KCNH5: variants seen among roughly 807,000 people sequenced by gnomAD.
The protein encoded by KCNH5 is voltage-gated delayed rectifier potassium channel KCNH5.
A neutral mutation model predicts 96.1 loss-of-function variants in KCNH5; 46 were observed. That is an observed-to-expected ratio of 0.48 (90% CI 0.38 to 0.61). The LOEUF (loss-of-function observed/expected upper bound fraction) is 0.61. KCNH5 is among the 20% of genes least tolerant of loss of function. KCNH5 has a pLI of 0.00. For missense variants in KCNH5, 907 were observed against 1,225.8 expected (o/e 0.74, Z 3.88); for synonymous variants, 439 against 449.8 (o/e 0.98, Z 0.30).
intron 6 of KCNH5, among the ~76,000 whole-genome samples, chr14:62,958,778 G>A (rs2140136729): frequency 1.3e-5 from 2 of 152,220 alleles, no homozygotes; most frequent in South Asian, 4.1e-4. Flanking sequence ...GCTCAAGACA[G>A]TTATACAGTG....
chr14:62,706,344 T>C lies in KCNH5; in HGVS notation c.*1164A>G, dbSNP rs538935104. ...CAATAAAATGATAGAAAAGCAGTTA[T>C]CTGAGTCGAGCAACTTAATGTCTAC... On this transcript the variant is annotated 3_prime_UTR_variant, in exon 11 of 11. Coordinates refer to ENST00000322893, the MANE Select transcript of KCNH5 (RefSeq NM_139318.5). The C allele has an allele frequency of 6.6e-6, 1 of 152,300 alleles. No homozygotes were observed. The highest frequency in any genetic ancestry group is 2.4e-5 in the African/African-American group (1 of 41,596). 9.4% of individuals were successfully genotyped at this position (152,300 alleles called of 1,614,324 possible). A position where few individuals can be genotyped will look rare whatever the true frequency, so the allele number is the denominator to read the frequency against.
intron 8 of KCNH5, among the ~76,000 whole-genome samples, chr14:62,845,615 G>A (rs1887675525): frequency 6.6e-6 from 1 of 152,208 alleles, no homozygotes; most frequent in African/African-American, 2.4e-5. Flanking sequence ...ATGTGGACCA[G>A]GTGATAGAAG....
intron 7 of KCNH5, among the ~76,000 whole-genome samples, chr14:62,892,888 T>G (rs1312914045): frequency 6.6e-6 from 1 of 152,164 alleles, no homozygotes; most frequent in Non-Finnish European, 1.5e-5. Flanking sequence ...AAAAGGGTGC[T>G]TCTCTCTGAC....
At position 62,950,230 on chromosome 14, in the gene KCNH5, G is replaced by C; in HGVS notation, c.1272C>G (p.Tyr424Ter). The C allele has an allele frequency of 1.9e-6, 3 of 1,613,964 alleles. No individual in the cohort carries two copies. Among genetic ancestry groups the C allele is most frequent in the Non-Finnish European group, 2.5e-6 (3 of 1,179,902 alleles). Residue 424 changes from tyrosine to a stop codon, truncating the protein, a stop_gained, in exon 7 of 11, where the codon TAC becomes TAG. Transcript: ENST00000322893. LOFTEE classifies it high-confidence loss of function. The part of the protein sequence containing the change: ...SKDSLYVSSL[Y>*]FTMTSLTTIG... The stretch of plus-strand genomic sequence containing the variant: ...TGGTTGTAAGGCTTGTCATGGTAAA[G>C]TAGAGAGAGGACACGTACAATGAAT...
chr14:62,803,290 T>C (rs1407976086), intron 8 of KCNH5, among the ~76,000 whole-genome samples: 1 of 152,176 alleles, frequency 6.6e-6, no homozygotes, highest in East Asian at 1.9e-4. Flanking sequence ...TTTTTATAAC[T>C]AAATCAAAAT....
chr14:63,011,221 G>A (rs189401333), intron 2 of KCNH5, among the ~76,000 whole-genome samples: 1 of 152,206 alleles, frequency 6.6e-6, no homozygotes, highest in Non-Finnish European at 1.5e-5. Flanking sequence ...AGTGGCTCAC[G>A]CCTGTAATCC....
At chr14:62,761,907 G>A (rs1885759826) in intron 10 of KCNH5, among the ~76,000 whole-genome samples, 1 of 152,122 alleles carries the variant, frequency 6.6e-6, no homozygotes, top group Admixed American at 6.5e-5. Context: ...CTGGGGTGAA[G>A]GGAGAGCAAG....
chr14:62,774,631 G>A (rs1454686351), intron 10 of KCNH5, among the ~76,000 whole-genome samples: 1 of 152,162 alleles, frequency 6.6e-6, no homozygotes, highest in Non-Finnish European at 1.5e-5. Context: ...GTATACCTAA[G>A]AGCTGGTCAT....
intron 6 of KCNH5, among the ~76,000 whole-genome samples, chr14:62,973,401 T>C (rs1890445614): frequency 6.6e-6 from 1 of 152,184 alleles, no homozygotes; most frequent in Non-Finnish European, 1.5e-5. Flanking sequence ...TGTTGGGAGA[T>C]GAAGACAAAT....
chr14:62,803,146 A>AC (rs1886699570), intron 8 of KCNH5, among the ~76,000 whole-genome samples: 3 of 152,198 alleles, frequency 2.0e-5, no homozygotes, highest in Admixed American at 2.0e-4. Context: ...GCAAGACCTT[A>AC]TCTCAAAACA....
chr14:62,940,123 A>T (rs1484456755), intron 7 of KCNH5, among the ~76,000 whole-genome samples: 2 of 152,208 alleles, frequency 1.3e-5, no homozygotes, highest in South Asian at 4.1e-4. Context: ...CAAAGTCCAC[A>T]GTCTTTTCAC....
intron 6 of KCNH5, among the ~76,000 whole-genome samples, chr14:62,955,830 A>G (rs1430654623): frequency 2.0e-5 from 3 of 152,276 alleles, no homozygotes; most frequent in Non-Finnish European, 4.4e-5. Context: ...TTGTTTTTAT[A>G]ATAGCAGGAT....
intron 10 of KCNH5, among the ~76,000 whole-genome samples, chr14:62,740,580 A>G (rs1885251570): frequency 6.6e-6 from 1 of 152,188 alleles, no homozygotes; most frequent in South Asian, 2.1e-4. Flanking sequence ...TATTTAAGAG[A>G]CATAAGCCCA....
intron 8 of KCNH5, among the ~76,000 whole-genome samples, chr14:62,816,354 G>A (rs950825670): frequency 6.6e-6 from 1 of 151,934 alleles, no homozygotes; most frequent in Non-Finnish European, 1.5e-5. Flanking sequence ...ATCAGTGTAT[G>A]TATGTGTAAA....
chr14:62,813,462 C>T (rs939016197), intron 8 of KCNH5, among the ~76,000 whole-genome samples: 1 of 152,106 alleles, frequency 6.6e-6, no homozygotes, highest in Non-Finnish European at 1.5e-5. Flanking sequence ...CTAAACAAGG[C>T]TTCTTCTTGA....
intron 4 of KCNH5, among the ~76,000 whole-genome samples, chr14:62,998,627 C>G (rs1299395848): frequency 2.6e-5 from 4 of 152,090 alleles, no homozygotes; most frequent in Non-Finnish European, 5.9e-5. Context: ...GCTTTTGCTG[C>G]ATCTCACAAA....
intron 4 of KCNH5, among the ~76,000 whole-genome samples, chr14:62,996,871 A>G (rs1007844856): frequency 4.6e-5 from 7 of 152,254 alleles, no homozygotes; most frequent in Non-Finnish European, 1.0e-4. Flanking sequence ...GCAAATACAA[A>G]TACATACTTT....
chr14:62,774,876 C>A (rs1040937545), intron 10 of KCNH5, among the ~76,000 whole-genome samples: 1 of 152,134 alleles, frequency 6.6e-6, no homozygotes, highest in African/African-American at 2.4e-5. Flanking sequence ...CACATGGGAT[C>A]TTAATCTCCA....
chr14:62,973,327 G>A (rs77843301), intron 6 of KCNH5, among the ~76,000 whole-genome samples: 9,895 of 152,236 alleles, frequency 0.065, 446 homozygotes, highest in Non-Finnish European at 0.091. Context: ...ATTGGGTAGC[G>A]CTATGGTTTG....
Sources: allele counts gnomAD v4.1 joint callset (sites outside exome capture counted in the v4.1 genomes callset), GRCh38; gene constraint gnomAD v4.1.1; transcripts MANE v1.5; gene names NCBI Gene and HGNC (gene_info 2026-07-23, HGNC 2026-07-21).